JAZF1: variants seen among roughly 807,000 people sequenced by gnomAD.
The protein encoded by JAZF1 is juxtaposed with another zinc finger protein 1.
A neutral mutation model predicts 26.4 loss-of-function variants in JAZF1; 8 were observed. That is an observed-to-expected ratio of 0.30 (90% CI 0.18 to 0.55). The LOEUF is 0.55. Ranked by LOEUF, JAZF1 falls within the 20% of genes least tolerant of loss-of-function variation. JAZF1 has a pLI of 0.94. For synonymous variants in JAZF1, 126 were observed against 122.3 expected, an observed-to-expected ratio of 1.03 and a Z score of -0.20; for missense variants, 199 against 322.0, an observed-to-expected ratio of 0.62 and a Z score of 2.92.
chr7:28,088,052 C>T (rs1784236478), intron 1 of JAZF1, among the ~76,000 whole-genome samples: 1 of 152,088 alleles, frequency 6.6e-6, no homozygotes, highest in Non-Finnish European at 1.5e-5. Context: ...ACATCCTTGC[C>T]CCCCTCATAC....
Position 27,831,824 on chromosome 7 carries a change from G to T in JAZF1, c.*976C>A. On this transcript the variant is annotated 3_prime_UTR_variant, in exon 5 of 5. Transcript: ENST00000283928. ...AACCCACAGGTTTGGTAGGGCAGTG[G>T]TTGCAAGAATTGGCAACACATAAAC... 4.5e-6 allele frequency: 1 copy of T among 220,680 alleles called. No individual in the cohort carries two copies. The highest frequency in any genetic ancestry group is 9.1e-6 in the Non-Finnish European group (1 of 110,036). 13.7% of individuals were successfully genotyped at this position (220,680 alleles called of 1,614,324 possible).
intron 1 of JAZF1, among the ~76,000 whole-genome samples, chr7:28,068,907 T>C (rs1436218503): frequency 6.6e-6 from 1 of 152,218 alleles, no homozygotes; most frequent in Non-Finnish European, 1.5e-5. Context: ...GACTCATCCC[T>C]GTGTATGGTT....
chr7:28,095,209 G>A (rs1185178257), intron 1 of JAZF1, among the ~76,000 whole-genome samples: 1 of 152,094 alleles, frequency 6.6e-6, no homozygotes, highest in African/African-American at 2.4e-5. Context: ...TGTTCACTCT[G>A]TTGGGCCTCC....
In JAZF1 at chr7:27,998,589, A is replaced by C. The variant is rs535943990; in HGVS notation, c.116-6608T>G. 8.5e-4 allele frequency among the ~76,000 whole-genome samples: 129 copies of C among 152,344 alleles called. 2 individuals are homozygous for C. In the South Asian group the frequency reaches 0.027, roughly 32 times the overall value. On this transcript the variant is annotated intron_variant, in intron 1 of 4. Transcript: ENST00000283928. ...CCATAATTTCCATTACAGGGAAGTCAGTGCAAATTTCAGTGAGATTCTTGG... is the reference window on the plus strand; with the variant it reads ...CCATAATTTCCATTACAGGGAAGTCCGTGCAAATTTCAGTGAGATTCTTGG...
chr7:27,962,094 CT>C (rs1349926065), intron 2 of JAZF1, among the ~76,000 whole-genome samples: 2 of 152,286 alleles, frequency 1.3e-5, no homozygotes, highest in East Asian at 3.9e-4. Context: ...TTCATATCAA[CT>C]TTTGTTTGAT....
chr7:27,871,623 T>G (rs1417614267), intron 3 of JAZF1, among the ~76,000 whole-genome samples: 2 of 152,210 alleles, frequency 1.3e-5, no homozygotes, highest in East Asian at 1.9e-4. Flanking sequence ...CATTTGTAAA[T>G]GGCCATTTCA....
At chr7:28,079,042 G>C (rs1337405429) in intron 1 of JAZF1, among the ~76,000 whole-genome samples, 1 of 150,430 alleles carries the variant, frequency 6.6e-6, no homozygotes, top group Non-Finnish European at 1.5e-5. Flanking sequence ...AGGCTGGAGT[G>C]CAAGTGGCGT....
At chr7:28,035,930 A>G (rs1034145625) in intron 1 of JAZF1, among the ~76,000 whole-genome samples, 1 of 152,220 alleles carries the variant, frequency 6.6e-6, no homozygotes, top group Admixed American at 6.5e-5. Flanking sequence ...TTGTCAAATA[A>G]TATCTTTAAG....
intron 4 of JAZF1, among the ~76,000 whole-genome samples, chr7:27,835,264 T>C (rs1036642521): frequency 2.0e-5 from 3 of 152,162 alleles, no homozygotes; most frequent in Non-Finnish European, 2.9e-5. Flanking sequence ...AGCCATTCCA[T>C]TGAGGGCTGA....
At chr7:27,935,660 T>C (rs1444552252) in intron 2 of JAZF1, among the ~76,000 whole-genome samples, 1 of 152,206 alleles carries the variant, frequency 6.6e-6, no homozygotes, top group Non-Finnish European at 1.5e-5. Flanking sequence ...AACCAATGAA[T>C]TATATACTTA....
At chr7:28,158,178 C>T (rs1241334850) in intron 1 of JAZF1, among the ~76,000 whole-genome samples, 1 of 98,676 alleles carries the variant, frequency 1.0e-5, no homozygotes. Context: ...AACACACACA[C>T]ACACACACAG....
At chr7:27,855,155 G>A (rs539103820) in intron 3 of JAZF1, among the ~76,000 whole-genome samples, 5 of 151,932 alleles carry the variant, frequency 3.3e-5, no homozygotes, top group East Asian at 3.9e-4. Context: ...GATCGATTCA[G>A]CTATTGATAC....
chr7:27,832,018 A>ATATCAATAGGCATAAATTGAATCCCT lies in JAZF1; in HGVS notation c.*756_*781dup, dbSNP rs1457360973. 3 of 217,040 alleles carry ATATCAATAGGCATAAATTGAATCCCT rather than the reference A, an allele frequency of 1.4e-5. No homozygotes were observed. The highest frequency in any genetic ancestry group is 6.7e-5 in the African/African-American group (3 of 44,460). 13.4% of individuals were successfully genotyped at this position (217,040 alleles called of 1,614,324 possible). A position where few individuals can be genotyped will look rare whatever the true frequency, so the allele number is the denominator to read the frequency against. ...ACTAAATGGGTATCTTGGTCCGCAG[A>ATATCAATAGGCATAAATTGAATCCCT]TATCAATAGGCATAAATTGAATCCC... On this transcript the variant is annotated 3_prime_UTR_variant, in exon 5 of 5. Coordinates refer to ENST00000283928, the MANE Select transcript of JAZF1 (RefSeq NM_175061.4).
intron 2 of JAZF1, among the ~76,000 whole-genome samples, chr7:27,933,569 G>T (rs563243729): frequency 6.6e-6 from 1 of 152,294 alleles, no homozygotes; most frequent in African/African-American, 2.4e-5. Context: ...TAGCAGTTTT[G>T]ATCTTTGAAT....
At chr7:28,170,335 ATATGTGTGTGTGTGTGTG>A (rs1327917317) in intron 1 of JAZF1, among the ~76,000 whole-genome samples, 3,070 of 140,134 alleles carry the variant, frequency 0.022, 56 homozygotes, top group African/African-American at 0.04. Flanking sequence ...AGAGAAGTTG[ATATGTGTGTGTGTGTGTG>A]TGTGTGTGTG....
chr7:28,056,878 G>A (rs891129207), intron 1 of JAZF1, among the ~76,000 whole-genome samples: 3 of 152,138 alleles, frequency 2.0e-5, no homozygotes, highest in Non-Finnish European at 4.4e-5. Context: ...TAAACTGAGG[G>A]CTGCCTGTAC....
chr7:28,066,946 G>A (rs536125683), intron 1 of JAZF1, among the ~76,000 whole-genome samples: 239 of 152,260 alleles, frequency 1.6e-3, no homozygotes, highest in Non-Finnish European at 2.1e-3. Context: ...GAGCCAAGAA[G>A]AACTAGCAGG....
intron 1 of JAZF1, among the ~76,000 whole-genome samples, chr7:28,081,711 G>A (rs1784140338): frequency 6.6e-6 from 1 of 152,090 alleles, no homozygotes; most frequent in Non-Finnish European, 1.5e-5. Flanking sequence ...CAAGGCCAGG[G>A]AGTTTGTGAT....
Position 27,832,763 on chromosome 7 carries a change from C to T in JAZF1, c.*37G>A. On this transcript the variant is annotated 3_prime_UTR_variant, in exon 5 of 5. Transcript: ENST00000283928. ...TGGCTGTTTTCAAAATCAGCAACTG[C>T]TGGTGAGGATTTCTTGGCACAGTTA... 7.0e-7 allele frequency: 1 copy of T among 1,426,380 alleles called. No individual in the cohort carries two copies. The highest frequency in any genetic ancestry group is 9.3e-7 in the Non-Finnish European group (1 of 1,077,840). The allele number at this position is 1,426,380 out of a possible 1,614,324, so 88.4% of individuals were successfully genotyped here.
Sources: allele counts gnomAD v4.1 joint callset (sites outside exome capture counted in the v4.1 genomes callset), GRCh38; gene constraint gnomAD v4.1.1; transcripts MANE v1.5; gene names NCBI Gene and HGNC (gene_info 2026-07-23, HGNC 2026-07-21).